Variants in NRG1 observed in about 807,000 individuals in gnomAD.
NRG1 encodes the protein neuregulin 1, also known as pro-neuregulin-1, membrane-bound isoform.
A neutral mutation model predicts 63.8 loss-of-function variants in NRG1; 18 were observed. The observed-to-expected ratio is 0.28, with a 90% confidence interval of 0.19 to 0.42. The LOEUF (loss-of-function observed/expected upper bound fraction) is 0.42. Among genes scored for constraint, NRG1 ranks in the 10% least tolerant of loss-of-function variants. The probability of loss-of-function intolerance (pLI) is 1.00; values close to 1 mark genes in which losing one functional copy is unlikely to be tolerated. For missense variants in NRG1, 762 were observed against 814.7 expected (o/e 0.94, Z 0.79); for synonymous variants, 302 against 301.3 (o/e 1.00, Z -0.02).
At chr8:31,759,067 CTA>C (rs1490865397) in intron 1 of NRG1, among the ~76,000 whole-genome samples, 1 of 152,074 alleles carries the variant, frequency 6.6e-6, no homozygotes, top group African/African-American at 2.4e-5. Context: ...TGTAAAATAT[CTA>C]TGTCTTTTCA....
intron 1 of NRG1, among the ~76,000 whole-genome samples, chr8:32,204,863 A>G (rs1307005550): frequency 1.3e-5 from 2 of 152,224 alleles, no homozygotes; most frequent in African/African-American, 2.4e-5. Context: ...GCAAGCACAT[A>G]TGTTAATGAT....
At chr8:32,314,641 T>C (rs1384115051) in intron 1 of NRG1, among the ~76,000 whole-genome samples, 1 of 152,158 alleles carries the variant, frequency 6.6e-6, no homozygotes, top group East Asian at 1.9e-4. Context: ...CCTTGCTCCT[T>C]CTTATTCATC....
intron 1 of NRG1, among the ~76,000 whole-genome samples, chr8:32,372,303 T>A (rs898474820): frequency 2.7e-5 from 4 of 147,810 alleles, no homozygotes; most frequent in African/African-American, 5.0e-5. Flanking sequence ...TTTACTGAAA[T>A]TTTTTTTTTT....
intron 1 of NRG1, among the ~76,000 whole-genome samples, chr8:32,060,081 T>C (rs951643154): frequency 1.2e-4 from 18 of 152,010 alleles, no homozygotes; most frequent in Admixed American, 1.1e-3. Context: ...GTTTTTATTT[T>C]TTGGTTATAA....
chr8:32,206,278 C>G (rs1025468449), intron 1 of NRG1, among the ~76,000 whole-genome samples: 3 of 152,128 alleles, frequency 2.0e-5, no homozygotes, highest in Admixed American at 6.5e-5. Context: ...CTACATTATC[C>G]TGCTGAAGAT....
At chr8:32,041,779 G>A (rs1040239140) in intron 1 of NRG1, among the ~76,000 whole-genome samples, 3 of 152,202 alleles carry the variant, frequency 2.0e-5, no homozygotes, top group Non-Finnish European at 4.4e-5. Context: ...TAAAGAATTG[G>A]AAAGAGGATC....
chr8:32,431,850 T>C (rs142926789), intron 1 of NRG1, among the ~76,000 whole-genome samples: 3 of 152,178 alleles, frequency 2.0e-5, no homozygotes, highest in Non-Finnish European at 4.4e-5. Context: ...TGATTATCAC[T>C]GTAAACCTAA....
chr8:32,745,400 T>C lies in NRG1; in HGVS notation c.691+2667T>C, dbSNP rs148458758. Among the ~76,000 whole-genome samples, 448 of 152,316 alleles carry C rather than the reference T, an allele frequency of 2.9e-3. 1 individual carries two copies. Among genetic ancestry groups the C allele is most frequent in the Admixed American group, 8.2e-3 (125 of 15,278 alleles). ...AAGAATAGATAATTTTTTAAGTTTA[T>C]TAACATAAAACTTACATTATTCAGA... On this transcript the variant is annotated intron_variant, in intron 7 of 11. Coordinates refer to ENST00000356819, the Ensembl canonical transcript of NRG1.
At chr8:32,420,794 A>G (rs1816618188) in intron 1 of NRG1, among the ~76,000 whole-genome samples, 1 of 152,154 alleles carries the variant, frequency 6.6e-6, no homozygotes, top group Non-Finnish European at 1.5e-5. Context: ...CTCCACCCAA[A>G]TCTCACCTTG....
chr8:31,672,513 C>T (rs1217072175), intron 1 of NRG1, among the ~76,000 whole-genome samples: 1 of 152,050 alleles, frequency 6.6e-6, no homozygotes, highest in East Asian at 1.9e-4. Flanking sequence ...AAGAGCTGTT[C>T]CTGCTAGCTC....
intron 1 of NRG1, among the ~76,000 whole-genome samples, chr8:32,571,658 A>G (rs1396465177): frequency 6.6e-6 from 1 of 152,100 alleles, no homozygotes; most frequent in Non-Finnish European, 1.5e-5. Context: ...CTTTATTTGC[A>G]AACACCTCCA....
In NRG1 at chr8:32,742,579, A is replaced by T; in HGVS notation, c.633-96A>T. The T allele has an allele frequency of 8.7e-7, 1 of 1,143,814 alleles. No individual in the cohort carries two copies. Among genetic ancestry groups the T allele is most frequent in the South Asian group, 1.3e-5 (1 of 75,430 alleles). 70.9% of individuals were successfully genotyped at this position (1,143,814 alleles called of 1,614,324 possible). On this transcript the variant is annotated intron_variant, in intron 6 of 11. Coordinates refer to ENST00000356819, the Ensembl canonical transcript of NRG1. This position sits in a 1 kb window ranked among gnomAD's most constrained non-coding sequence, Gnocchi z 4.2. ...CCTGAGGGTGAACTCACCAAGTTTC[A>T]GTCAAATGACACTGAAGGAGCTTCT...
At chr8:31,921,347 C>A (rs1833898293) in intron 1 of NRG1, among the ~76,000 whole-genome samples, 1 of 152,068 alleles carries the variant, frequency 6.6e-6, no homozygotes, top group South Asian at 2.1e-4. Flanking sequence ...TGATTGGAGC[C>A]AGTTCATGAA....
chr8:32,478,841 C>G (rs1030336741), intron 1 of NRG1, among the ~76,000 whole-genome samples: 11 of 152,100 alleles, frequency 7.2e-5, no homozygotes, highest in African/African-American at 2.7e-4. Flanking sequence ...CATTTGACGC[C>G]CACAAGCTGA....
Position 32,092,714 on chromosome 8 carries a change from G to C in NRG1, c.37+453283G>C, listed in dbSNP as rs536218426. Among the ~76,000 whole-genome samples the C allele has an allele frequency of 2.6e-5, 4 of 152,200 alleles. No individual in the cohort carries two copies. The South Asian group carries it at 8.3e-4, about 32-fold the overall frequency. ...AGGTGTTTATGCAGCAGGTGTGGCA[G>C]TGCACAGAGGACTGCCACATGCCTC... On this transcript the variant is annotated intron_variant, in intron 1 of 10. Transcript: ENST00000519301.
intron 1 of NRG1, among the ~76,000 whole-genome samples, chr8:31,765,464 G>C (rs1995468): frequency 3.9e-5 from 6 of 152,106 alleles, no homozygotes; most frequent in African/African-American, 1.4e-4. Context: ...GTTAGCTGTA[G>C]GTTTTTTGTA....
chr8:32,511,951 A>C (rs1829272084), intron 1 of NRG1, among the ~76,000 whole-genome samples: 1 of 152,138 alleles, frequency 6.6e-6, no homozygotes, highest in African/African-American at 2.4e-5. Flanking sequence ...TTAAGGCAGA[A>C]GCTTCCCTCT....
chr8:31,791,155 GCTGAGATCACATCA>G (rs1330688375), intron 1 of NRG1, among the ~76,000 whole-genome samples: 3 of 150,454 alleles, frequency 2.0e-5, no homozygotes, highest in African/African-American at 7.4e-5. Flanking sequence ...GTTGCAGTGA[GCTGAGATCACATCA>G]CTGCACTCCA....
intron 5 of NRG1, among the ~76,000 whole-genome samples, chr8:32,631,014 A>G (rs1563807896): frequency 1.3e-5 from 2 of 152,172 alleles, no homozygotes; most frequent in South Asian, 4.1e-4. Context: ...TTTTTCCTGG[A>G]TCACTAAAAC....
Sources: gnomAD v4.1 joint callset for allele counts (sites outside exome capture counted in the v4.1 genomes callset) on GRCh38, gnomAD v4.1.1 for gene constraint, Gnocchi (gnomAD v3.1) non-coding constraint, MANE v1.5 for transcripts, NCBI Gene and HGNC (gene_info 2026-07-23, HGNC 2026-07-21) for gene names.